The following OXR1 variants were observed in gnomAD, a reference collection of about 807,000 sequenced individuals.
OXR1 encodes the protein oxidation resistance 1, also known as oxidation resistance protein 1.
Under a neutral mutation model 104.6 loss-of-function variants are expected in OXR1, and 41 were observed. The ratio of observed to expected loss-of-function variants is 0.39; its 90% confidence interval spans 0.31 to 0.51. The LOEUF (loss-of-function observed/expected upper bound fraction) is 0.51, where lower values mean the gene tolerates loss of function less well. OXR1 is among the 20% of genes least tolerant of loss of function. The probability of loss-of-function intolerance (pLI) is 0.77; values close to 1 mark genes in which losing one functional copy is unlikely to be tolerated. For synonymous variants in OXR1, 348 were observed against 348.4 expected (o/e 1.00, Z 0.01); for missense variants, 955 against 1,031.9 (o/e 0.93, Z 1.02).
At chr8:106,718,359 T>C (rs1342161487) in intron 11 of OXR1, among the ~76,000 whole-genome samples, 1 of 152,192 alleles carries the variant, frequency 6.6e-6, no homozygotes, top group Admixed American at 6.5e-5. Flanking sequence ...CAGAAACATA[T>C]ATTTACTAAG....
At chr8:106,680,352 A>G (rs1828027292) in intron 4 of OXR1, among the ~76,000 whole-genome samples, 1 of 152,140 alleles carries the variant, frequency 6.6e-6, no homozygotes, top group Non-Finnish European at 1.5e-5. Context: ...ACAATTCTGC[A>G]GTGCCAATAT....
chr8:106,612,747 TTGAG>T (rs1446289468), intron 3 of OXR1, among the ~76,000 whole-genome samples: 3 of 152,180 alleles, frequency 2.0e-5, no homozygotes, highest in South Asian at 2.1e-4. Flanking sequence ...AAAGCATTTA[TTGAG>T]TATTTATTAC....
chr8:106,327,482 G>A (rs1216210446), intron 1 of OXR1, among the ~76,000 whole-genome samples: 1 of 152,006 alleles, frequency 6.6e-6, no homozygotes, highest in African/African-American at 2.4e-5. Flanking sequence ...AAATAGCAGA[G>A]GTCAAAATAC....
chr8:106,293,192 C>T (rs1240495589), intron 1 of OXR1, among the ~76,000 whole-genome samples: 2 of 152,186 alleles, frequency 1.3e-5, no homozygotes, highest in Admixed American at 1.3e-4. Flanking sequence ...TGAAATTTTG[C>T]TATCTGGTCT....
chr8:106,423,930 A>T (rs908569395), intron 2 of OXR1, among the ~76,000 whole-genome samples: 1 of 151,856 alleles, frequency 6.6e-6, no homozygotes, highest in African/African-American at 2.4e-5. Context: ...ACTAGTCTTG[A>T]TTTTTTGTTT....
intron 1 of OXR1, among the ~76,000 whole-genome samples, chr8:106,307,280 C>T (rs1813502531): frequency 6.6e-6 from 1 of 152,122 alleles, no homozygotes; most frequent in Non-Finnish European, 1.5e-5. Context: ...ATACACAGTG[C>T]TTTGATGAAA....
chr8:106,618,236 G>A, intron 3 of OXR1: 5 of 1,378,216 alleles, frequency 3.6e-6, no homozygotes, highest in Non-Finnish European at 4.0e-6. Flanking sequence ...TGGAAAGTCA[G>A]ATACAGCGGA....
chr8:106,623,532 A>C (rs1431301894), intron 3 of OXR1, among the ~76,000 whole-genome samples: 1 of 152,238 alleles, frequency 6.6e-6, no homozygotes, highest in East Asian at 1.9e-4. Flanking sequence ...GACAAACTCT[A>C]AATTGGAATT....
chr8:106,359,866 T>A (rs1384135066), intron 2 of OXR1, among the ~76,000 whole-genome samples: 1 of 152,130 alleles, frequency 6.6e-6, no homozygotes, highest in East Asian at 1.9e-4. Flanking sequence ...TCGCACTGAA[T>A]CCCAGTGACC....
At chr8:106,675,395 A>G (rs1827480994) in intron 3 of OXR1, among the ~76,000 whole-genome samples, 1 of 152,170 alleles carries the variant, frequency 6.6e-6, no homozygotes, top group Non-Finnish European at 1.5e-5. Flanking sequence ...CAGAGTATAC[A>G]TTATTTTCAA....
At chr8:106,359,185 A>C (rs16874417) in intron 1 of OXR1, among the ~76,000 whole-genome samples, 45,035 of 151,660 alleles carry the variant, frequency 0.3, 6,938 homozygotes, top group Admixed American at 0.38. Flanking sequence ...CCATATGAGA[A>C]AATATTTGGT....
At chr8:106,362,631 G>T (rs1816294648) in intron 2 of OXR1, among the ~76,000 whole-genome samples, 1 of 152,146 alleles carries the variant, frequency 6.6e-6, no homozygotes, top group South Asian at 2.1e-4. Context: ...GAACTTGATT[G>T]TTTCATGAAT....
chr8:106,326,551 A>G, intron 1 of OXR1, among the ~76,000 whole-genome samples: 1 of 152,372 alleles, frequency 6.6e-6, no homozygotes, highest in Non-Finnish European at 1.5e-5. Context: ...AATCTCAGCC[A>G]GAGATGTTTC....
intron 2 of OXR1, among the ~76,000 whole-genome samples, chr8:106,403,980 G>A (rs1287800696): frequency 1.3e-5 from 2 of 152,186 alleles, no homozygotes; most frequent in Non-Finnish European, 2.9e-5. Flanking sequence ...GAGGTTCTAA[G>A]GAGATCTAGC....
chr8:106,741,471 C>G (rs967136114), intron 14 of OXR1, among the ~76,000 whole-genome samples: 2 of 152,024 alleles, frequency 1.3e-5, no homozygotes, highest in Non-Finnish European at 2.9e-5. Flanking sequence ...TGTGATAGTT[C>G]TAAACTGAGC....
At chr8:106,629,250 T>C (rs1822459123) in intron 3 of OXR1, among the ~76,000 whole-genome samples, 1 of 152,090 alleles carries the variant, frequency 6.6e-6, no homozygotes, top group Non-Finnish European at 1.5e-5. Flanking sequence ...TTTTTTTTTT[T>C]CCTCATGGTC....
chr8:106,561,961 A>G (rs1258441963), intron 3 of OXR1, among the ~76,000 whole-genome samples: 1 of 152,172 alleles, frequency 6.6e-6, no homozygotes, highest in Non-Finnish European at 1.5e-5. Flanking sequence ...CAAAAACACC[A>G]TCTAAAAGTT....
At chr8:106,327,811 A>G (rs1216182843) in intron 1 of OXR1, among the ~76,000 whole-genome samples, 2 of 152,230 alleles carry the variant, frequency 1.3e-5, no homozygotes, top group African/African-American at 4.8e-5. Context: ...TAATCTATCG[A>G]TAAGCAAAGT....
intron 3 of OXR1, chr8:106,522,799 C>G (rs944703471): frequency 2.0e-4 from 31 of 151,504 alleles, no homozygotes; most frequent in African/African-American, 7.5e-4. Flanking sequence ...ATGATCACAA[C>G]TGACCATAGA....
Sources: gnomAD v4.1 joint callset for allele counts (sites outside exome capture counted in the v4.1 genomes callset) on GRCh38, gnomAD v4.1.1 for gene constraint, MANE v1.5 for transcripts, NCBI Gene and HGNC (gene_info 2026-07-23, HGNC 2026-07-21) for gene names.